The following TSHZ2 variants were observed in gnomAD, a reference collection of about 807,000 sequenced individuals.
TSHZ2 encodes the protein teashirt zinc finger homeobox 2.
A neutral mutation model predicts 74.4 loss-of-function variants in TSHZ2; 21 were observed. That is an observed-to-expected ratio of 0.28 (90% CI 0.20 to 0.41). The LOEUF (loss-of-function observed/expected upper bound fraction) is 0.41, where lower values mean the gene tolerates loss of function less well. TSHZ2 is among the 10% of genes least tolerant of loss of function. The pLI, the probability that TSHZ2 is intolerant of heterozygous loss-of-function variation, is 1.00. For missense variants in TSHZ2, 1,244 were observed against 1,293.5 expected (o/e 0.96, Z 0.59); for synonymous variants, 540 against 515.3 (o/e 1.05, Z -0.65).
chr20:53,066,265 C>G (rs1568743383), intron 1 of TSHZ2, among the ~76,000 whole-genome samples: 1 of 147,942 alleles, frequency 6.8e-6, no homozygotes, highest in Non-Finnish European at 1.5e-5. Context: ...CCCGACTCCA[C>G]TCGAGGCCAA....
chr20:53,196,036 G>A (rs1359669011), intron 1 of TSHZ2, among the ~76,000 whole-genome samples: 4 of 152,130 alleles, frequency 2.6e-5, no homozygotes, highest in Admixed American at 6.5e-5. Flanking sequence ...CTTCTGCGTC[G>A]CAGCCTATCA....
At chr20:53,404,203 TA>T (rs1406200397) in intron 2 of TSHZ2, among the ~76,000 whole-genome samples, 1 of 152,182 alleles carries the variant, frequency 6.6e-6, no homozygotes, top group African/African-American at 2.4e-5. Flanking sequence ...CATTGCAGAG[TA>T]AAATTTAAAA....
At chr20:53,119,174 G>A (rs1264156544) in intron 1 of TSHZ2, among the ~76,000 whole-genome samples, 1 of 152,130 alleles carries the variant, frequency 6.6e-6, no homozygotes, top group East Asian at 1.9e-4. Flanking sequence ...CCCTTTCAGT[G>A]AGGTATTCAT....
At chr20:53,237,061 T>C (rs1186189475) in intron 1 of TSHZ2, among the ~76,000 whole-genome samples, 1 of 152,180 alleles carries the variant, frequency 6.6e-6, no homozygotes, top group Non-Finnish European at 1.5e-5. Flanking sequence ...TTCCTCATCT[T>C]CAAAAATGAA....
At chr20:53,129,039 C>G (rs769473396) in intron 1 of TSHZ2, among the ~76,000 whole-genome samples, 2 of 152,076 alleles carry the variant, frequency 1.3e-5, no homozygotes, top group Non-Finnish European at 2.9e-5. Context: ...CCCGTACTTA[C>G]ATATCTAGCA....
intron 1 of TSHZ2, among the ~76,000 whole-genome samples, chr20:53,170,072 CTG>C (rs886932679): frequency 9.2e-5 from 14 of 152,118 alleles, no homozygotes; most frequent in Non-Finnish European, 1.3e-4. Flanking sequence ...GATGTGAAAA[CTG>C]AGGCTTGCAG....
In TSHZ2 at chr20:53,276,755, G is replaced by A. The variant is rs1227798226; in HGVS notation, c.*8+20184G>A. ...CAGGGTGGAGCGAGACCTTGTGAAT[G>A]TCTAACATGCACCCAGATGATACCA... On this transcript the variant is annotated intron_variant, in intron 2 of 2. Coordinates refer to ENST00000371497, the MANE Select transcript of TSHZ2 (RefSeq NM_173485.6). Among the ~76,000 whole-genome samples, 6 of 152,332 alleles carry A rather than the reference G, an allele frequency of 3.9e-5. No individual in the cohort carries two copies. In the East Asian group the frequency reaches 1.2e-3, roughly 29 times the overall value.
intron 1 of TSHZ2, among the ~76,000 whole-genome samples, chr20:53,027,558 G>T (rs780970219): frequency 8.5e-5 from 13 of 152,080 alleles, no homozygotes; most frequent in Non-Finnish European, 1.6e-4. Flanking sequence ...AGAAAAGCCT[G>T]GAATTGGTAA....
At chr20:52,987,859 G>A (rs1981831373) in intron 1 of TSHZ2, among the ~76,000 whole-genome samples, 1 of 152,090 alleles carries the variant, frequency 6.6e-6, no homozygotes, top group Admixed American at 6.5e-5. Flanking sequence ...AGAAGCAAAA[G>A]GGATCTCTCA....
At position 53,256,492 on chromosome 20, in the gene TSHZ2, C is replaced by T. The variant is rs376749874; in HGVS notation, c.3034C>T (p.His1012Tyr). 3.7e-6 allele frequency: 6 copies of T among 1,613,490 alleles called. No homozygotes were observed. Among genetic ancestry groups the T allele is most frequent in the Non-Finnish European group, 4.2e-6 (5 of 1,179,522 alleles). The change falls in exon 2 of 3, where the codon CAC becomes TAC. Residue 1012 changes from histidine to tyrosine, a missense_variant. By Grantham distance (83) the His-to-Tyr change is moderately conservative. Transcript: ENST00000371497. This position sits in a 1 kb window ranked among gnomAD's most constrained non-coding sequence, Gnocchi z 4.3. ...TGTGAGCAAACATGCGGTAAAACTC[C>T]ACCTAAGCAAAACGCACAGCAAGTC... is the stretch of plus-strand genomic sequence containing the variant. ...TFVSKHAVKL[H>Y]LSKTHSKSPE...
intron 2 of TSHZ2, among the ~76,000 whole-genome samples, chr20:53,391,347 G>A (rs367614626): frequency 2.0e-5 from 3 of 151,956 alleles, no homozygotes; most frequent in African/African-American, 4.8e-5. Flanking sequence ...GGGTTTCACC[G>A]TGTTAGCCAG....
chr20:52,999,311 C>T (rs1982323631), intron 1 of TSHZ2, among the ~76,000 whole-genome samples: 4 of 152,184 alleles, frequency 2.6e-5, no homozygotes, highest in Admixed American at 6.5e-5. Context: ...GGACCCTGCT[C>T]TCAGGGGACA....
At chr20:53,407,839 G>A (rs991763751) in intron 2 of TSHZ2, among the ~76,000 whole-genome samples, 6 of 152,182 alleles carry the variant, frequency 3.9e-5, no homozygotes, top group African/African-American at 1.4e-4. Flanking sequence ...GGGTGTGACT[G>A]CATTCCAATA....
intron 1 of TSHZ2, among the ~76,000 whole-genome samples, chr20:53,114,482 C>T (rs1986617448): frequency 6.6e-6 from 1 of 152,170 alleles, no homozygotes; most frequent in Non-Finnish European, 1.5e-5. Context: ...GCAAACTATT[C>T]CGTATACAGT....
chr20:53,246,657 G>A (rs1485178943), intron 1 of TSHZ2, among the ~76,000 whole-genome samples: 1 of 152,162 alleles, frequency 6.6e-6, no homozygotes, highest in Non-Finnish European at 1.5e-5. Context: ...TCTTGCATGT[G>A]GTAACTGCAG....
intron 1 of TSHZ2, among the ~76,000 whole-genome samples, chr20:53,098,401 C>T (rs540966085): frequency 2.6e-4 from 40 of 152,304 alleles, no homozygotes; most frequent in African/African-American, 9.1e-4. Context: ...AACAGATGTA[C>T]GAGATTCACA....
At chr20:53,350,711 GC>G (rs1980615330) in intron 2 of TSHZ2, among the ~76,000 whole-genome samples, 1 of 152,192 alleles carries the variant, frequency 6.6e-6, no homozygotes, top group African/African-American at 2.4e-5. Flanking sequence ...GATATTGAGA[GC>G]TTTTACAGTG....
At chr20:53,325,985 G>A (rs1452167278) in intron 2 of TSHZ2, among the ~76,000 whole-genome samples, 1 of 152,068 alleles carries the variant, frequency 6.6e-6, no homozygotes, top group Non-Finnish European at 1.5e-5. Flanking sequence ...ATTTTACCAT[G>A]TTGGCTAGGC....
chr20:53,327,319 A>T (rs1012193978), intron 2 of TSHZ2, among the ~76,000 whole-genome samples: 1 of 152,198 alleles, frequency 6.6e-6, no homozygotes, highest in African/African-American at 2.4e-5. Flanking sequence ...TACAGCCATT[A>T]ACTCTATTAT....
Sources: gnomAD v4.1 joint callset for allele counts (sites outside exome capture counted in the v4.1 genomes callset) on GRCh38, gnomAD v4.1.1 for gene constraint, Gnocchi (gnomAD v3.1) non-coding constraint, MANE v1.5 for transcripts, NCBI Gene and HGNC (gene_info 2026-07-23, HGNC 2026-07-21) for gene names.